Variants in RGS7 observed in about 807,000 individuals in gnomAD.
RGS7 encodes regulator of G-protein signaling 7.
A neutral mutation model predicts 81.1 loss-of-function variants in RGS7; 27 were observed. That is an observed-to-expected ratio of 0.33 (90% CI 0.25 to 0.46). RGS7 has a LOEUF of 0.46. Among genes scored for constraint, RGS7 ranks in the 20% least tolerant of loss-of-function variants. The probability of loss-of-function intolerance (pLI) is 1.00; values close to 1 mark genes in which losing one functional copy is unlikely to be tolerated. For missense variants in RGS7, 396 were observed against 607.4 expected (o/e 0.65, Z 3.66); for synonymous variants, 208 against 207.7 (o/e 1.00, Z -0.01).
At chr1:241,089,061 C>CTA (rs1354977800) in intron 3 of RGS7, among the ~76,000 whole-genome samples, 92 of 36,890 alleles carry the variant, frequency 2.5e-3, no homozygotes, top group Non-Finnish European at 3.3e-3. Flanking sequence ...CTCTCTCTCT[C>CTA]TCTATATATA....
chr1:240,835,783 G>T (rs892174182), intron 9 of RGS7, among the ~76,000 whole-genome samples: 2 of 152,110 alleles, frequency 1.3e-5, no homozygotes, highest in African/African-American at 4.8e-5. Context: ...GCCACAAAAA[G>T]ACAAGGAGGA....
chr1:241,205,561 AG>A (rs2073825151), intron 2 of RGS7, among the ~76,000 whole-genome samples: 1 of 151,700 alleles, frequency 6.6e-6, no homozygotes, highest in South Asian at 2.1e-4. Context: ...CCCAGGTTCA[AG>A]TGATTCTCCT....
intron 9 of RGS7, among the ~76,000 whole-genome samples, chr1:240,844,231 T>C (rs9661388): frequency 0.68 from 103,605 of 151,942 alleles, 35,676 homozygotes; most frequent in Middle Eastern, 0.77. Context: ...ATAGTAGGAA[T>C]GGCCCAAGAG....
chr1:240,868,521 A>G lies in RGS7; in HGVS notation c.609+66T>C. 5.8e-6 allele frequency: 8 copies of G among 1,390,084 alleles called. No homozygotes were observed. In the South Asian group the frequency reaches 9.2e-5, roughly 16 times the overall value. The allele number at this position is 1,390,084 out of a possible 1,614,324, so 86.1% of individuals were successfully genotyped here. ...ACTACAGTCTTTCACTTACTTTGGC[A>G]GGGCACCCCTCACTTCCCACAGACG... On this transcript the variant is annotated intron_variant, in intron 9 of 18. Transcript: ENST00000440928. The surrounding 1 kb of genome is among the most constrained non-coding windows in gnomAD (Gnocchi z 5.1).
intron 3 of RGS7, 29 bp from the exon 4 acceptor site, chr1:240,983,158 C>G: frequency 7.9e-7 from 1 of 1,267,408 alleles, no homozygotes; most frequent in Non-Finnish European, 1.1e-6. Flanking sequence ...AAAACACAAA[C>G]AGATGTGAAC....
intron 2 of RGS7, among the ~76,000 whole-genome samples, chr1:241,212,228 T>C (rs772993310): frequency 4.6e-5 from 7 of 152,178 alleles, no homozygotes; most frequent in Non-Finnish European, 7.3e-5. Flanking sequence ...TATTCACTTA[T>C]GGTTTATAAA....
chr1:240,799,859 C>G (rs756475065), intron 18 of RGS7, among the ~76,000 whole-genome samples: 8 of 152,092 alleles, frequency 5.3e-5, no homozygotes, highest in Non-Finnish European at 8.8e-5. Context: ...CCTCCCTTCC[C>G]CTTGTTTCCT....
intron 2 of RGS7, among the ~76,000 whole-genome samples, chr1:241,202,073 C>T (rs555458959): frequency 6.6e-6 from 1 of 151,038 alleles, no homozygotes; most frequent in African/African-American, 2.4e-5. Flanking sequence ...GGGTTACTTC[C>T]ACAACAGTTT....
At chr1:241,115,261 T>A (rs2102971317) in intron 2 of RGS7, among the ~76,000 whole-genome samples, 1 of 152,310 alleles carries the variant, frequency 6.6e-6, no homozygotes, top group African/African-American at 2.4e-5. Context: ...CTAGATCTGA[T>A]CCTTGCAGTT....
chr1:240,856,283 A>G (rs1661113007), intron 9 of RGS7, among the ~76,000 whole-genome samples: 2 of 152,216 alleles, frequency 1.3e-5, no homozygotes, highest in African/African-American at 2.4e-5. Flanking sequence ...CTATATTCAT[A>G]GCTCTACTAT....
At chr1:241,308,705 G>C (rs1022771376) in intron 2 of RGS7, among the ~76,000 whole-genome samples, 5 of 152,124 alleles carry the variant, frequency 3.3e-5, no homozygotes, top group African/African-American at 1.2e-4. Context: ...CCTGTTCATT[G>C]ATTCATGCTG....
Position 241,214,564 on chromosome 1 carries a change from A to C in RGS7, c.79-115802T>G, listed in dbSNP as rs550893876. Among the ~76,000 whole-genome samples, 117 of 152,144 alleles carry C rather than the reference A, an allele frequency of 7.7e-4. 1 individual carries two copies. Among genetic ancestry groups the C allele is most frequent in the Non-Finnish European group, 1.0e-3 (71 of 68,030 alleles). ...TTTAGGCCAAATTTGGAAAATTTTCAGCCAGAATTTCTTCAACTATTTTTT... is the reference window on the plus strand; with the variant it reads ...TTTAGGCCAAATTTGGAAAATTTTCCGCCAGAATTTCTTCAACTATTTTTT... On this transcript the variant is annotated intron_variant, in intron 2 of 18. Coordinates refer to ENST00000440928, the MANE Select transcript of RGS7 (RefSeq NM_001364886.1).
intron 2 of RGS7, among the ~76,000 whole-genome samples, chr1:241,287,364 C>T (rs2078868026): frequency 6.6e-6 from 1 of 152,074 alleles, no homozygotes; most frequent in South Asian, 2.1e-4. Flanking sequence ...CTGTGCTGTT[C>T]TTGTGATAGT....
chr1:241,062,123 C>T (rs2061772837), intron 3 of RGS7, among the ~76,000 whole-genome samples: 2 of 152,194 alleles, frequency 1.3e-5, no homozygotes, highest in East Asian at 1.9e-4. Context: ...GGAAATCTTT[C>T]GAGTGGTTAG....
At chr1:241,059,813 C>T (rs972394731) in intron 3 of RGS7, among the ~76,000 whole-genome samples, 2 of 151,838 alleles carry the variant, frequency 1.3e-5, no homozygotes, top group Non-Finnish European at 2.9e-5. Flanking sequence ...TCAAGTTCAA[C>T]AGGTCCAAAA....
chr1:240,934,876 C>CTTTTTTTTTTTTTTTTTTTTTTT lies in RGS7; in HGVS notation c.333+1701_333+1723dup, dbSNP rs555195177. On this transcript the variant is annotated intron_variant, in intron 5 of 18. Transcript: ENST00000440928. Reference sequence around the variant, plus strand: ...TATGGTGATCCCTTCCTTCACATGGCTTTTTTTTTTTTTTTTTTTTTTTTT... The same window carrying CTTTTTTTTTTTTTTTTTTTTTTT: ...TATGGTGATCCCTTCCTTCACATGGCTTTTTTTTTTTTTTTTTTTTTTTTTTTTTTTTTTTTTTTTTTTTTTTT... Among the ~76,000 whole-genome samples the CTTTTTTTTTTTTTTTTTTTTTTT allele has an allele frequency of 4.5e-5, 3 of 67,154 alleles. 1 individual carries two copies. Among genetic ancestry groups the CTTTTTTTTTTTTTTTTTTTTTTT allele is most frequent in the African/African-American group, 1.9e-4 (3 of 16,118 alleles). The allele number at this position is 67,154 out of a possible 152,430, so 44.1% of individuals were successfully genotyped here.
At chr1:241,329,574 T>C (rs929856596) in intron 2 of RGS7, among the ~76,000 whole-genome samples, 1 of 152,162 alleles carries the variant, frequency 6.6e-6, no homozygotes, top group Non-Finnish European at 1.5e-5. Flanking sequence ...GCTAATCCTC[T>C]ACAAAGGGCT....
chr1:241,306,472 T>TCA lies in RGS7; in HGVS notation c.78+49225_78+49226dup, dbSNP rs543557256. Among the ~76,000 whole-genome samples, 1,387 of 139,266 alleles carry TCA rather than the reference T, an allele frequency of 1.0e-2. 17 individuals carry two copies. Among genetic ancestry groups the TCA allele is most frequent in the Admixed American group, 0.034 (476 of 13,950 alleles). The allele number at this position is 139,266 out of a possible 152,430, so 91.4% of individuals were successfully genotyped here. ...CACAGGCACATATGCACACGTCCAC[T>TCA]CACACACACACGCACACATTGTTAC... On this transcript the variant is annotated intron_variant, in intron 2 of 18. Coordinates refer to ENST00000440928, the MANE Select transcript of RGS7 (RefSeq NM_001364886.1).
rs1250278306 is a variant in RGS7 at position 241,166,150 on chromosome 1, C to T, written c.79-67388G>A. ...CAGGAGACTGATTTACACATAGTGG[C>T]CAGAAAAGCATCTCTTAATAGATGA... On this transcript the variant is annotated intron_variant, in intron 2 of 18. Coordinates refer to ENST00000440928, the MANE Select transcript of RGS7 (RefSeq NM_001364886.1). Among the ~76,000 whole-genome samples, 4 of 152,182 alleles carry T rather than the reference C, an allele frequency of 2.6e-5. No individual in the cohort carries two copies. The East Asian group carries it at 7.7e-4, about 29-fold the overall frequency.
Sources: allele counts gnomAD v4.1 joint callset (sites outside exome capture counted in the v4.1 genomes callset), GRCh38; gene constraint gnomAD v4.1.1; non-coding constraint Gnocchi (gnomAD v3.1); transcripts MANE v1.5; gene names NCBI Gene and HGNC (gene_info 2026-07-23, HGNC 2026-07-21).